The following CACNA2D4 variants were observed in gnomAD, a reference collection of about 807,000 sequenced individuals.
CACNA2D4 encodes the protein voltage-dependent calcium channel subunit alpha-2/delta-4.
Under a neutral mutation model 163.8 loss-of-function variants are expected in CACNA2D4, and 157 were observed. The ratio of observed to expected loss-of-function variants is 0.96; its 90% CI spans 0.84 to 1.09. The LOEUF (loss-of-function observed/expected upper bound fraction) is 1.09. CACNA2D4 is among the 50% of genes least tolerant of loss of function. The pLI is 0.00. For missense variants in CACNA2D4, 1,410 were observed against 1,479.9 expected (o/e 0.95, Z 0.78); for synonymous variants, 598 against 586.9 (o/e 1.02, Z -0.27).
intron 13 of CACNA2D4, among the ~76,000 whole-genome samples, chr12:1,882,387 TC>T (rs1317095336): frequency 1.3e-5 from 2 of 152,162 alleles, no homozygotes; most frequent in Non-Finnish European, 2.9e-5. Flanking sequence ...CCCAGAAAGG[TC>T]CCATGTGAAG....
chr12:1,829,716 A>G lies in CACNA2D4; in HGVS notation c.2551+11023T>C, dbSNP rs532721468. On this transcript the variant is annotated intron_variant, in intron 26 of 37. Transcript: ENST00000382722. This position sits in a 1 kb window ranked among gnomAD's most constrained non-coding sequence, Gnocchi z 4.2. The stretch of plus-strand genomic sequence containing the variant: ...CGGCCCACCCCGACCTGGGACAGCC[A>G]GGTCCCAGGTCCCATGTCAGGGTGG... Among the ~76,000 whole-genome samples, 125 of 143,878 alleles carry G rather than the reference A, an allele frequency of 8.7e-4. No individual in the cohort carries two copies. Among genetic ancestry groups the G allele is most frequent in the Non-Finnish European group, 1.6e-3 (104 of 65,842 alleles). 94.4% of individuals were successfully genotyped at this position (143,878 alleles called of 152,430 possible). A position where few individuals can be genotyped will look rare whatever the true frequency, so the allele number is the denominator to read the frequency against.
chr12:1,911,021 A>ATTTT lies in CACNA2D4; in HGVS notation c.427-1060_427-1057dup, dbSNP rs374264665. On this transcript the variant is annotated intron_variant, in intron 3 of 37. Coordinates refer to ENST00000382722, the MANE Select transcript of CACNA2D4 (RefSeq NM_172364.5). ...GTCACCTGTATTTTACCGCAATACA[A>ATTTT]TTTTTTTTTTTTTTTTTTTTGAGAT... Among the ~76,000 whole-genome samples, 43 of 133,454 alleles carry ATTTT rather than the reference A, an allele frequency of 3.2e-4. 1 individual carries two copies. Among genetic ancestry groups the ATTTT allele is most frequent in the South Asian group, 2.1e-3 (9 of 4,374 alleles). The allele number at this position is 133,454 out of a possible 152,430, so 87.6% of individuals were successfully genotyped here. A position where few individuals can be genotyped will look rare whatever the true frequency, so the allele number is the denominator to read the frequency against.
rs1864459131 is a variant in CACNA2D4, at chr12:1,828,429, T to G, written c.2551+12310A>C. ...GTCAGAGTCACCGCTGAGTGCTGAG[T>G]GGTTAGACCTGGAGCTGGAGGCCAC... On this transcript the variant is annotated intron_variant, in intron 26 of 37. Transcript: ENST00000382722. This position sits in a 1 kb window ranked among gnomAD's most constrained non-coding sequence, Gnocchi z 4.2. Among the ~76,000 whole-genome samples, 1 of 152,158 alleles carries G rather than the reference T, an allele frequency of 6.6e-6. No homozygotes were observed. Among genetic ancestry groups the G allele is most frequent in the Non-Finnish European group, 1.5e-5 (1 of 68,024 alleles).
At chr12:1,808,202 G>A (rs1186856984) in intron 29 of CACNA2D4, among the ~76,000 whole-genome samples, 1 of 152,066 alleles carries the variant, frequency 6.6e-6, no homozygotes, top group Non-Finnish European at 1.5e-5. Context: ...TTCTCTCAAG[G>A]CTGGGGTGGT....
rs73043803 is a variant in CACNA2D4, at chr12:1,798,866, C to T, written c.2995+809G>A. ...ACCCCAGAGCAGCCCCACCCGATCG[C>T]GGATGTGAGTCCAGAAGGAGTCTGG... On this transcript the variant is annotated intron_variant, in intron 34 of 37. Coordinates refer to ENST00000382722, the MANE Select transcript of CACNA2D4 (RefSeq NM_172364.5). This position sits in a 1 kb window ranked among gnomAD's most constrained non-coding sequence, Gnocchi z 4.3. Among the ~76,000 whole-genome samples the T allele has an allele frequency of 2.5e-3, 381 of 152,282 alleles. 1 individual carries two copies. Among genetic ancestry groups the T allele is most frequent in the Middle Eastern group, 0.017 (5 of 294 alleles).
chr12:1,892,395 C>T (rs1866306699), intron 6 of CACNA2D4, among the ~76,000 whole-genome samples: 1 of 152,184 alleles, frequency 6.6e-6, no homozygotes, highest in Non-Finnish European at 1.5e-5. Flanking sequence ...ACTAGACTTG[C>T]TCTACAAGAA....
chr12:1,867,980 G>A (rs1418237888), intron 18 of CACNA2D4, among the ~76,000 whole-genome samples: 1 of 152,200 alleles, frequency 6.6e-6, no homozygotes, highest in African/African-American at 2.4e-5. Flanking sequence ...GTAGACAAGG[G>A]TGTGAAGAAA....
rs1865100877 is a variant in CACNA2D4 at position 1,844,531 on chromosome 12, T to C, written c.2343-2A>G. The C allele has an allele frequency of 1.2e-6, 2 of 1,612,128 alleles. No homozygotes were observed. The highest frequency in any genetic ancestry group is 1.7e-6 in the Non-Finnish European group (2 of 1,178,928). Reference sequence around the variant, plus strand: ...TCGTCCTCAGGTGTCAGGAACTTCCTGCAAGGAGGAAGATGTGGTACCTCT... The same window carrying C: ...TCGTCCTCAGGTGTCAGGAACTTCCCGCAAGGAGGAAGATGTGGTACCTCT... On this transcript the variant is annotated splice_acceptor_variant, in intron 24 of 37. Coordinates refer to ENST00000382722, the MANE Select transcript of CACNA2D4 (RefSeq NM_172364.5). LOFTEE classifies it high-confidence loss of function. The surrounding 1 kb of genome is among the most constrained non-coding windows in gnomAD (Gnocchi z 4.2).
intron 23 of CACNA2D4, among the ~76,000 whole-genome samples, chr12:1,847,722 A>C (rs549611985): frequency 6.6e-6 from 1 of 152,346 alleles, no homozygotes; most frequent in East Asian, 1.9e-4. Flanking sequence ...CACTACCCAT[A>C]ATTTGGCTTC....
At chr12:1,818,332 G>A (rs934051607) in intron 26 of CACNA2D4, among the ~76,000 whole-genome samples, 2 of 152,012 alleles carry the variant, frequency 1.3e-5, no homozygotes, top group African/African-American at 4.8e-5. Flanking sequence ...ATAGAAAGGC[G>A]GGAAAGGTGG....
intron 18 of CACNA2D4, among the ~76,000 whole-genome samples, chr12:1,864,241 G>C (rs1001211921): frequency 2.0e-5 from 3 of 152,220 alleles, no homozygotes; most frequent in East Asian, 3.8e-4. Context: ...GCTTAAATCT[G>C]AGTGCAGCAA....
Position 1,909,919 on chromosome 12 carries a change from T to C in CACNA2D4, c.473A>G (p.Asn158Ser), listed in dbSNP as rs1866773563. The change falls in exon 4 of 38, where the codon AAT becomes AGT. Residue 158 changes from asparagine (N) to serine (S), a missense_variant. Asn to Ser is a conservative substitution (Grantham distance 46, BLOSUM62 1). Transcript: ENST00000382722. ...AGTGGGACTCACCACCAGGGATTCA[T>C]TGAATTCGTGGTTCAGGTCGGCCTC... The part of the protein sequence containing the change: ...AEEADLNHEF[N>S]ESLVFDYYNS... The C allele has an allele frequency of 1.9e-6, 3 of 1,613,730 alleles. No homozygotes were observed. Among genetic ancestry groups the C allele is most frequent in the Non-Finnish European group, 2.5e-6 (3 of 1,179,716 alleles).
chr12:1,880,335 C>A (rs1433302436), intron 13 of CACNA2D4, among the ~76,000 whole-genome samples: 1 of 152,258 alleles, frequency 6.6e-6, no homozygotes, highest in Admixed American at 6.5e-5. Context: ...CAGAGCTACC[C>A]AGAAACACAA....
In CACNA2D4 at chr12:1,811,900, G is replaced by C. The variant is rs1445689774; in HGVS notation, c.2552-177C>G. On this transcript the variant is annotated intron_variant, in intron 26 of 37. Coordinates refer to ENST00000382722, the MANE Select transcript of CACNA2D4 (RefSeq NM_172364.5). ...GGGGTTTCTGGGGAGTGGGAGGGGTGGGGGAAGAACAGAGACGGCAGCCTC... is the reference window on the plus strand; with the variant it reads ...GGGGTTTCTGGGGAGTGGGAGGGGTCGGGGAAGAACAGAGACGGCAGCCTC... 6 of 599,196 alleles carry C rather than the reference G, an allele frequency of 1.0e-5. No individual in the cohort carries two copies. In the Admixed American group the frequency reaches 1.5e-4, roughly 15 times the overall value. The allele number at this position is 599,196 out of a possible 1,614,324, so 37.1% of individuals were successfully genotyped here. A position where few individuals can be genotyped will look rare whatever the true frequency, so the allele number is the denominator to read the frequency against.
chr12:1,860,852 A>G (rs1865508866), intron 18 of CACNA2D4, among the ~76,000 whole-genome samples: 1 of 152,256 alleles, frequency 6.6e-6, no homozygotes, highest in South Asian at 2.1e-4. Context: ...CATGTAGTAC[A>G]AAAGTGGCTA....
chr12:1,824,631 C>T (rs544031750), intron 26 of CACNA2D4, among the ~76,000 whole-genome samples: 1 of 152,224 alleles, frequency 6.6e-6, no homozygotes, highest in Non-Finnish European at 1.5e-5. Flanking sequence ...ATGCTGCACC[C>T]TGGGTAGGGA....
chr12:1,836,450 T>A (rs1328970152), intron 26 of CACNA2D4: 5 of 152,158 alleles, frequency 3.3e-5, no homozygotes, highest in African/African-American at 1.2e-4. Flanking sequence ...CGGCAGTGGG[T>A]GGGTGAGGTG....
At chr12:1,896,652 C>CAAAAAAA (rs1184831451) in intron 6 of CACNA2D4, among the ~76,000 whole-genome samples, 5 of 117,184 alleles carry the variant, frequency 4.3e-5, no homozygotes, top group African/African-American at 1.6e-4. Context: ...CACACACACA[C>CAAAAAAA]ACAAAACAGA....
chr12:1,876,431 T>C (rs1318782082), intron 16 of CACNA2D4, among the ~76,000 whole-genome samples: 1 of 152,184 alleles, frequency 6.6e-6, no homozygotes, highest in Non-Finnish European at 1.5e-5. Context: ...TATGATTAGG[T>C]CTGCAGCACT....
Sources: gnomAD v4.1 joint callset for allele counts (sites outside exome capture counted in the v4.1 genomes callset) on GRCh38, gnomAD v4.1.1 for gene constraint, Gnocchi (gnomAD v3.1) non-coding constraint, MANE v1.5 for transcripts, NCBI Gene and HGNC (gene_info 2026-07-23, HGNC 2026-07-21) for gene names.